The following THSD4 variants were observed in gnomAD, a reference collection of about 807,000 sequenced individuals.
THSD4 encodes the protein thrombospondin type-1 domain-containing protein 4.
THSD4 carries 69 observed loss-of-function variants against 119.0 expected under a neutral mutation model. The ratio of observed to expected loss-of-function variants is 0.58; its 90% CI spans 0.48 to 0.71. The LOEUF is 0.71. THSD4 is among the 30% of genes least tolerant of loss of function. The probability of loss-of-function intolerance (pLI) is 0.00; values close to 1 mark genes in which losing one functional copy is unlikely to be tolerated. For missense variants in THSD4, 1,393 were observed against 1,391.1 expected (o/e 1.00, Z -0.02); for synonymous variants, 524 against 540.4 (o/e 0.97, Z 0.42).
At chr15:71,562,481 A>G (rs1476984774) in intron 7 of THSD4, among the ~76,000 whole-genome samples, 1 of 152,170 alleles carries the variant, frequency 6.6e-6, no homozygotes, top group Non-Finnish European at 1.5e-5. Context: ...TGTGCCAGGC[A>G]TTATTCAAAG....
At chr15:71,608,809 A>C (rs1336610871) in intron 7 of THSD4, among the ~76,000 whole-genome samples, 2 of 152,232 alleles carry the variant, frequency 1.3e-5, no homozygotes, top group Admixed American at 6.5e-5. Flanking sequence ...CTCATGATAC[A>C]ATCATGCAGT....
chr15:71,385,493 T>C (rs766046227), intron 6 of THSD4, among the ~76,000 whole-genome samples: 1 of 152,182 alleles, frequency 6.6e-6, no homozygotes, highest in Non-Finnish European at 1.5e-5. Flanking sequence ...GCCACATGAC[T>C]GGACACTTAT....
intron 7 of THSD4, among the ~76,000 whole-genome samples, chr15:71,432,027 T>C (rs2046949015): frequency 6.6e-6 from 1 of 152,132 alleles, no homozygotes; most frequent in South Asian, 2.1e-4. Flanking sequence ...CTGGTTATTT[T>C]TGTGGCATAC....
chr15:71,125,648 A>G (rs1311115753), intron 1 of THSD4, among the ~76,000 whole-genome samples: 1 of 152,250 alleles, frequency 6.6e-6, no homozygotes, highest in Non-Finnish European at 1.5e-5. Flanking sequence ...CCAGGTCCGA[A>G]GAAGGCGCCT....
chr15:71,291,938 T>C lies in THSD4; in HGVS notation c.1015+35223T>C, dbSNP rs1399731615. On this transcript the variant is annotated intron_variant, in intron 6 of 17. Coordinates refer to ENST00000261862, the MANE Select transcript of THSD4 (RefSeq NM_024817.3). ...TAGCATCCTCTATTGTGGTGGCCCC[T>C]GTCTACCACATCCTGCTTTCTTGGT... Among the ~76,000 whole-genome samples the C allele has an allele frequency of 3.3e-5, 5 of 152,172 alleles. No homozygotes were observed. The East Asian group carries it at 7.7e-4, about 23-fold the overall frequency.
At chr15:71,112,461 T>C (rs2040312642), upstream of THSD4, among the ~76,000 whole-genome samples, 2 of 152,156 alleles carry the variant, frequency 1.3e-5, no homozygotes, top group Non-Finnish European at 2.9e-5. Context: ...CAGTGGATAA[T>C]AATTACAGGG....
At chr15:71,423,251 G>A (rs921657179) in intron 7 of THSD4, among the ~76,000 whole-genome samples, 2 of 152,180 alleles carry the variant, frequency 1.3e-5, no homozygotes, top group African/African-American at 4.8e-5. Flanking sequence ...CTTTTCTCAA[G>A]CAGAAGGAGT....
At chr15:71,464,332 CTG>C (rs1229050968) in intron 7 of THSD4, among the ~76,000 whole-genome samples, 1 of 152,214 alleles carries the variant, frequency 6.6e-6, no homozygotes, top group African/African-American at 2.4e-5. Flanking sequence ...GATGAGAAGA[CTG>C]GGTTCCAGTT....
At chr15:71,600,073 A>G (rs2049977888) in intron 7 of THSD4, among the ~76,000 whole-genome samples, 1 of 152,244 alleles carries the variant, frequency 6.6e-6, no homozygotes, top group African/African-American at 2.4e-5. Context: ...TTGGGCAGCC[A>G]AAGTGTTTCT....
intron 6 of THSD4, among the ~76,000 whole-genome samples, chr15:71,325,843 G>T (rs1449183177): frequency 1.3e-5 from 2 of 152,164 alleles, no homozygotes; most frequent in African/African-American, 4.8e-5. Flanking sequence ...TAGATAGTTT[G>T]TCCAGGGGAC....
chr15:71,428,160 A>C (rs894593155), intron 7 of THSD4, among the ~76,000 whole-genome samples: 2 of 152,230 alleles, frequency 1.3e-5, no homozygotes, highest in Non-Finnish European at 2.9e-5. Flanking sequence ...GACCCTAAGC[A>C]CAGTCTAGAA....
Position 71,276,881 on chromosome 15 carries a change from T to C in THSD4, c.1015+20166T>C, listed in dbSNP as rs530117370. Among the ~76,000 whole-genome samples the C allele has an allele frequency of 3.2e-4, 49 of 152,258 alleles. 2 individuals carry two copies. The South Asian group carries it at 9.5e-3, about 30-fold the overall frequency. ...AGAGATGACCTTAGGATGGGTGAAA[T>C]TGTCAGGGGCTGGCCTGGTTTCCCA... On this transcript the variant is annotated intron_variant, in intron 6 of 17. Coordinates refer to ENST00000261862, the MANE Select transcript of THSD4 (RefSeq NM_024817.3).
At chr15:71,107,485 CA>C (rs1477898949) in intron 1 of THSD4, among the ~76,000 whole-genome samples, 2 of 151,238 alleles carry the variant, frequency 1.3e-5, no homozygotes, top group East Asian at 3.9e-4. Flanking sequence ...AAAAAGAAAC[CA>C]AGCCTTTTGG....
chr15:71,510,679 C>T (rs1567014786), intron 7 of THSD4, among the ~76,000 whole-genome samples: 1 of 152,206 alleles, frequency 6.6e-6, no homozygotes, highest in East Asian at 1.9e-4. Context: ...TTCTTCGTAG[C>T]CCAGCCTCAT....
At chr15:71,618,754 T>G (rs1453660963) in intron 7 of THSD4, among the ~76,000 whole-genome samples, 1 of 151,974 alleles carries the variant, frequency 6.6e-6, no homozygotes, top group African/African-American at 2.4e-5. Flanking sequence ...TTAAAAAAAT[T>G]ATTTGTAGAG....
At chr15:71,352,560 C>T (rs1173544294) in intron 6 of THSD4, among the ~76,000 whole-genome samples, 1 of 152,142 alleles carries the variant, frequency 6.6e-6, no homozygotes, top group African/African-American at 2.4e-5. Flanking sequence ...AGCTTATAGA[C>T]ACCCTAGGAC....
At chr15:71,712,495 A>G (rs1024014624) in intron 8 of THSD4, among the ~76,000 whole-genome samples, 1 of 152,216 alleles carries the variant, frequency 6.6e-6, no homozygotes, top group African/African-American at 2.4e-5. Context: ...CCCAAATCAT[A>G]TTTCTTTGGA....
chr15:71,720,749 G>T (rs2052706283), intron 8 of THSD4, among the ~76,000 whole-genome samples: 1 of 152,198 alleles, frequency 6.6e-6, no homozygotes, highest in Admixed American at 6.5e-5. Context: ...TGGCAAAGAA[G>T]CCAGGCTTCT....
At chr15:71,252,849 G>C (rs1324812646) in intron 5 of THSD4, among the ~76,000 whole-genome samples, 3 of 150,916 alleles carry the variant, frequency 2.0e-5, no homozygotes, top group Non-Finnish European at 4.4e-5. Flanking sequence ...TTTAATAAAT[G>C]CTCAATAAAA....
Sources: gnomAD v4.1 joint callset for allele counts (sites outside exome capture counted in the v4.1 genomes callset) on GRCh38, gnomAD v4.1.1 for gene constraint, MANE v1.5 for transcripts, NCBI Gene and HGNC (gene_info 2026-07-23, HGNC 2026-07-21) for gene names.